The following COL28A1 variants were observed in gnomAD, a reference collection of about 807,000 sequenced individuals.
COL28A1 encodes the protein collagen type XXVIII alpha 1 chain.
COL28A1 carries 161 observed loss-of-function variants against 150.2 expected under a neutral mutation model. The ratio of observed to expected loss-of-function variants is 1.07; its 90% CI spans 0.94 to 1.22. The LOEUF is 1.22. Ranked by LOEUF, COL28A1 falls within the 50% of genes most tolerant of loss-of-function variation. The pLI is 0.00. For synonymous variants in COL28A1, 552 were observed against 469.7 expected, an observed-to-expected ratio of 1.18 and a Z score of -2.26; for missense variants, 1,617 against 1,388.3, an observed-to-expected ratio of 1.16 and a Z score of -2.62.
intron 3 of COL28A1, among the ~76,000 whole-genome samples, chr7:7,529,884 A>C (rs1459640782): frequency 1.3e-5 from 2 of 152,110 alleles, no homozygotes; most frequent in African/African-American, 4.8e-5. Flanking sequence ...ACCACTACAA[A>C]TTTCCCTTTC....
At chr7:7,522,582 G>A (rs2115205636) in intron 4 of COL28A1, among the ~76,000 whole-genome samples, 1 of 152,148 alleles carries the variant, frequency 6.6e-6, no homozygotes, top group South Asian at 2.1e-4. Flanking sequence ...AATGAAATGG[G>A]AGAAAATTCC....
intron 26 of COL28A1, among the ~76,000 whole-genome samples, 157 bp downstream of exon 26, chr7:7,419,728 C>T (rs1410878715): frequency 6.6e-6 from 1 of 152,198 alleles, no homozygotes; most frequent in Admixed American, 6.5e-5. Flanking sequence ...TTCTATTTTA[C>T]TGAACGTTCA....
At chr7:7,495,061 G>A (rs1780130857) in intron 11 of COL28A1, among the ~76,000 whole-genome samples, 1 of 152,124 alleles carries the variant, frequency 6.6e-6, no homozygotes, top group Non-Finnish European at 1.5e-5. Flanking sequence ...ATGGTCCAAT[G>A]CAAGTAGACA....
intron 11 of COL28A1, among the ~76,000 whole-genome samples, chr7:7,504,431 T>C (rs1237072327): frequency 6.6e-6 from 1 of 152,118 alleles, no homozygotes; most frequent in African/African-American, 2.4e-5. Flanking sequence ...AGCCCAGGAA[T>C]TCAAGTTGCA....
At chr7:7,390,252 T>G (rs954057820) in intron 27 of COL28A1, among the ~76,000 whole-genome samples, 1 of 152,184 alleles carries the variant, frequency 6.6e-6, no homozygotes, top group Non-Finnish European at 1.5e-5. Context: ...GAGACAATCA[T>G]GTGGTTTTTG....
intron 20 of COL28A1, 51 bp from the exon 21 acceptor site, chr7:7,440,912 C>G (rs945738323): frequency 3.4e-6 from 3 of 880,472 alleles, no homozygotes; most frequent in Non-Finnish European, 5.8e-6. Flanking sequence ...TTAGCAACCT[C>G]CCCTAATCTA....
intron 27 of COL28A1, among the ~76,000 whole-genome samples, chr7:7,396,840 G>A (rs1365572479): frequency 1.3e-5 from 2 of 152,108 alleles, no homozygotes; most frequent in Non-Finnish European, 2.9e-5. Flanking sequence ...ATAGATGCAG[G>A]GACTGATTTT....
intron 33 of COL28A1, among the ~76,000 whole-genome samples, chr7:7,362,125 C>T (rs1171854267): frequency 6.6e-6 from 1 of 152,124 alleles, no homozygotes; most frequent in Non-Finnish European, 1.5e-5. Flanking sequence ...CACGTGTATA[C>T]CTATGTAACA....
intron 20 of COL28A1, among the ~76,000 whole-genome samples, chr7:7,442,880 C>T (rs553511022): frequency 1.5e-4 from 22 of 145,056 alleles, no homozygotes; most frequent in African/African-American, 6.2e-4. Context: ...ACTAAAAATA[C>T]AAAAATTAGC....
intron 22 of COL28A1, among the ~76,000 whole-genome samples, chr7:7,436,716 C>T (rs148711984): frequency 1.1e-4 from 17 of 152,284 alleles, no homozygotes; most frequent in African/African-American, 3.6e-4. Flanking sequence ...TCAAATATTT[C>T]GACTTTAAGA....
At chr7:7,496,165 C>T (rs1780198169) in intron 11 of COL28A1, among the ~76,000 whole-genome samples, 1 of 151,972 alleles carries the variant, frequency 6.6e-6, no homozygotes, top group Admixed American at 6.6e-5. Context: ...CACTGTTTTC[C>T]TTTTTTTTCT....
chr7:7,425,917 T>C (rs1165253615), intron 25 of COL28A1, among the ~76,000 whole-genome samples: 1 of 152,144 alleles, frequency 6.6e-6, no homozygotes, highest in African/African-American at 2.4e-5. Flanking sequence ...ATCAATATAA[T>C]ATTTGAGGAA....
In COL28A1 at chr7:7,522,409, A is replaced by C. The variant is rs1051305641; in HGVS notation, c.703-448T>G. On this transcript the variant is annotated intron_variant, in intron 4 of 34. Transcript: ENST00000399429. ...GCTCCTTTACTAGGCAAAGGAAAAC[A>C]TTTGACTTATAGCATATTTTACTAA... Among the ~76,000 whole-genome samples the C allele has an allele frequency of 1.2e-4, 19 of 152,140 alleles. 1 individual carries two copies. The highest frequency in any genetic ancestry group is 8.3e-4 in the South Asian group (4 of 4,832).
intron 15 of COL28A1, among the ~76,000 whole-genome samples, chr7:7,461,783 G>T (rs1052409297): frequency 6.6e-6 from 1 of 152,086 alleles, no homozygotes; most frequent in Non-Finnish European, 1.5e-5. Context: ...CCTTGCTCCC[G>T]CCTAATGGTC....
chr7:7,435,197 C>T (rs1396665229), intron 23 of COL28A1, among the ~76,000 whole-genome samples: 1 of 152,122 alleles, frequency 6.6e-6, no homozygotes, highest in East Asian at 1.9e-4. Context: ...GGATTGTATT[C>T]CTATTGCAAA....
intron 25 of COL28A1, among the ~76,000 whole-genome samples, chr7:7,428,874 T>C (rs574805916): frequency 1.1e-3 from 174 of 152,336 alleles, no homozygotes; most frequent in Non-Finnish European, 1.9e-3. Context: ...AAATTCAAGG[T>C]AATTGTATCC....
rs986916931 is a variant in COL28A1, at chr7:7,373,929, G to C, written c.2360-383C>G. On this transcript the variant is annotated intron_variant, in intron 31 of 34. Transcript: ENST00000399429. The surrounding 1 kb of genome is among the most constrained non-coding windows in gnomAD (Gnocchi z 4.1). ...TTAGCCAAGATGGTCTCGATCTCCT[G>C]ACCTCGTGATATGCCCGCCTCGGCC... is the stretch of plus-strand genomic sequence containing the variant. 6.7e-6 allele frequency among the ~76,000 whole-genome samples: 1 copy of C among 150,090 alleles called. No homozygotes were observed. The highest frequency in any genetic ancestry group is 2.5e-5 in the African/African-American group (1 of 40,750).
intron 33 of COL28A1, among the ~76,000 whole-genome samples, chr7:7,361,009 G>A (rs907517830): frequency 6.6e-6 from 1 of 152,146 alleles, no homozygotes; most frequent in African/African-American, 2.4e-5. Context: ...TCAATTTTGA[G>A]ATTGGGAATT....
intron 27 of COL28A1, among the ~76,000 whole-genome samples, chr7:7,385,834 T>C (rs1782150059): frequency 6.6e-6 from 1 of 152,236 alleles, no homozygotes; most frequent in South Asian, 2.1e-4. Flanking sequence ...ATTTTCTTTT[T>C]AATCACTAGT....
Sources: allele counts gnomAD v4.1 joint callset (sites outside exome capture counted in the v4.1 genomes callset), GRCh38; gene constraint gnomAD v4.1.1; non-coding constraint Gnocchi (gnomAD v3.1); transcripts MANE v1.5; gene names NCBI Gene and HGNC (gene_info 2026-07-23, HGNC 2026-07-21).